CSMD1: variants seen among roughly 807,000 people sequenced by gnomAD.
CSMD1 encodes CUB and sushi domain-containing protein 1.
Under a neutral mutation model 417.5 loss-of-function variants are expected in CSMD1, and 213 were observed. That is an observed-to-expected ratio of 0.51 (90% CI 0.46 to 0.57). The LOEUF is 0.57. Ranked by LOEUF, CSMD1 falls within the 20% of genes least tolerant of loss-of-function variation. The probability of loss-of-function intolerance (pLI) is 0.00; values close to 1 mark genes in which losing one functional copy is unlikely to be tolerated. For missense variants in CSMD1, 6,923 were observed against 4,529.7 expected (o/e 1.53, Z -15.17); for synonymous variants, 2,862 against 1,736.8 (o/e 1.65, Z -16.11).
intron 49 of CSMD1, among the ~76,000 whole-genome samples, chr8:3,083,587 C>T (rs1814263132): frequency 7.9e-6 from 1 of 126,002 alleles, no homozygotes; most frequent in African/African-American, 3.1e-5. Flanking sequence ...GCTCTCCATC[C>T]ACGGTGACAG....
At chr8:3,894,577 T>C (rs1005076715) in intron 5 of CSMD1, among the ~76,000 whole-genome samples, 6 of 152,338 alleles carry the variant, frequency 3.9e-5, no homozygotes, top group African/African-American at 1.4e-4. Flanking sequence ...CTACATCCTA[T>C]TGATTTGTTG....
intron 15 of CSMD1, among the ~76,000 whole-genome samples, chr8:3,401,210 C>T (rs1244186906): frequency 6.6e-6 from 1 of 151,684 alleles, no homozygotes; most frequent in Admixed American, 6.6e-5. Context: ...TGCAGAATTC[C>T]AAAAAAATTA....
chr8:4,736,822 T>C (rs1810276969), intron 1 of CSMD1, among the ~76,000 whole-genome samples: 1 of 152,204 alleles, frequency 6.6e-6, no homozygotes, highest in African/African-American at 2.4e-5. Context: ...CCCACTGTGC[T>C]GTCTGATTTG....
chr8:3,290,392 C>T (rs1229257319), intron 25 of CSMD1, among the ~76,000 whole-genome samples: 2 of 146,650 alleles, frequency 1.4e-5, no homozygotes, highest in Non-Finnish European at 2.9e-5. Flanking sequence ...AAGGGGATGG[C>T]ATTGAATCTA....
intron 37 of CSMD1, among the ~76,000 whole-genome samples, chr8:3,172,633 G>A (rs1052913790): frequency 4.6e-5 from 7 of 152,246 alleles, no homozygotes; most frequent in African/African-American, 1.7e-4. Flanking sequence ...TGCACGTAGG[G>A]AACCTACAGG....
intron 3 of CSMD1, among the ~76,000 whole-genome samples, chr8:4,321,433 G>C (rs1799270132): frequency 6.6e-6 from 1 of 152,100 alleles, no homozygotes; most frequent in African/African-American, 2.4e-5. Context: ...TTATTGACTT[G>C]TGACCTTGGG....
chr8:3,747,602 G>C (rs1797123780), intron 6 of CSMD1, among the ~76,000 whole-genome samples: 1 of 151,742 alleles, frequency 6.6e-6, no homozygotes, highest in Non-Finnish European at 1.5e-5. Context: ...TATGGTTAAT[G>C]AACATTTAGG....
At chr8:4,346,704 TGTC>T (rs1487746620) in intron 3 of CSMD1, among the ~76,000 whole-genome samples, 23 of 152,278 alleles carry the variant, frequency 1.5e-4, no homozygotes, top group South Asian at 8.3e-4. Flanking sequence ...TAGTCAGAAA[TGTC>T]GTATTATTTA....
intron 2 of CSMD1, among the ~76,000 whole-genome samples, chr8:4,433,167 A>G (rs190488439): frequency 1.8e-4 from 28 of 152,314 alleles, no homozygotes; most frequent in African/African-American, 6.3e-4. Flanking sequence ...CTGATTCTGC[A>G]TTATGGCGAG....
chr8:4,262,302 C>G (rs776849087), intron 3 of CSMD1, among the ~76,000 whole-genome samples: 1 of 152,102 alleles, frequency 6.6e-6, no homozygotes, highest in African/African-American at 2.4e-5. Context: ...TGCTGCCAGG[C>G]GTCCACAGGC....
At chr8:4,332,358 C>A (rs12677120) in intron 3 of CSMD1, among the ~76,000 whole-genome samples, 3,476 of 152,170 alleles carry the variant, frequency 0.023, 47 homozygotes, top group Middle Eastern at 0.034. Flanking sequence ...AGGAAGACAG[C>A]ATTGCACTCA....
rs1343121679 is a variant in CSMD1 at position 3,664,920 on chromosome 8, G to T, written c.1009+43494C>A. Among the ~76,000 whole-genome samples the T allele has an allele frequency of 2.0e-5, 3 of 151,840 alleles. No homozygotes were observed. In the East Asian group the frequency reaches 5.8e-4, roughly 29 times the overall value. On this transcript the variant is annotated intron_variant, in intron 7 of 69. Coordinates refer to ENST00000635120, the MANE Select transcript of CSMD1 (RefSeq NM_033225.6). ...AAAAAATACATCACAATTTCTCAGGGTTTCATTTTGTCTCTGTGCGTCAAA... is the reference window on the plus strand; with the variant it reads ...AAAAAATACATCACAATTTCTCAGGTTTTCATTTTGTCTCTGTGCGTCAAA...
chr8:3,412,756 GAT>G (rs1251895032), intron 12 of CSMD1, among the ~76,000 whole-genome samples: 1 of 152,334 alleles, frequency 6.6e-6, no homozygotes, highest in East Asian at 1.9e-4. Flanking sequence ...TTTGCTTAAA[GAT>G]AGTTCTTGGA....
intron 1 of CSMD1, among the ~76,000 whole-genome samples, chr8:4,717,910 T>C (rs1375573897): frequency 6.6e-6 from 1 of 152,188 alleles, no homozygotes; most frequent in African/African-American, 2.4e-5. Flanking sequence ...GACTAAAGTA[T>C]TGATACAGAA....
intron 52 of CSMD1, among the ~76,000 whole-genome samples, chr8:3,007,218 A>C (rs567476500): frequency 5.3e-5 from 8 of 150,516 alleles, no homozygotes; most frequent in East Asian, 1.9e-4. Context: ...TCAAAACCAC[A>C]ATGAGATACC....
At chr8:4,034,987 G>A (rs566290313) in intron 3 of CSMD1, among the ~76,000 whole-genome samples, 20 of 152,222 alleles carry the variant, frequency 1.3e-4, no homozygotes, top group African/African-American at 4.1e-4. Context: ...TCTTCTATAC[G>A]TTTTTTCTGT....
At chr8:4,049,896 C>T (rs1018189500) in intron 3 of CSMD1, among the ~76,000 whole-genome samples, 5 of 109,406 alleles carry the variant, frequency 4.6e-5, no homozygotes, top group Non-Finnish European at 7.2e-5. Context: ...AAGTAACGTT[C>T]GCTTTCTGTT....
intron 1 of CSMD1, among the ~76,000 whole-genome samples, chr8:4,817,656 T>G (rs79729794): frequency 0.25 from 37,926 of 152,192 alleles, 4,893 homozygotes; most frequent in South Asian, 0.29. Context: ...AAATCAATGG[T>G]ATTACAGGGC....
intron 3 of CSMD1, among the ~76,000 whole-genome samples, chr8:4,364,703 T>C (rs1801967424): frequency 1.7e-5 from 1 of 57,768 alleles, no homozygotes; most frequent in Admixed American, 1.7e-4. Flanking sequence ...CGGGCGCCTG[T>C]AGTCCCAGCT....
Sources: allele counts gnomAD v4.1 joint callset (sites outside exome capture counted in the v4.1 genomes callset), GRCh38; gene constraint gnomAD v4.1.1; transcripts MANE v1.5; gene names NCBI Gene and HGNC (gene_info 2026-07-23, HGNC 2026-07-21).